Variants in ALDH3A1 observed in about 807,000 individuals in gnomAD.
The protein encoded by ALDH3A1 is aldehyde dehydrogenase 3 family member A1, also known as aldehyde dehydrogenase, dimeric NADP-preferring.
In ALDH3A1, 46 loss-of-function variants were observed where a neutral mutation model predicts 49.9. That is an observed-to-expected ratio of 0.92 (90% CI 0.73 to 1.18). ALDH3A1 has a LOEUF of 1.18. ALDH3A1 is among the 50% of genes most tolerant of loss of function. ALDH3A1 has a pLI of 0.00. For missense variants in ALDH3A1, 592 were observed against 611.8 expected, an observed-to-expected ratio of 0.97 and a Z score of 0.34; for synonymous variants, 269 against 253.3, an observed-to-expected ratio of 1.06 and a Z score of -0.59.
In ALDH3A1 at chr17:19,739,799, G is replaced by A. The variant is rs1597665456; in HGVS notation, c.950-125C>T. 10 of 1,248,916 alleles carry A rather than the reference G, an allele frequency of 8.0e-6. No homozygotes were observed. The East Asian group carries it at 2.3e-4, about 28-fold the overall frequency. The allele number at this position is 1,248,916 out of a possible 1,614,324, so 77.4% of individuals were successfully genotyped here. The stretch of plus-strand genomic sequence containing the variant: ...ACCTGCCCAGGCTTGGAAAAGGGCA[G>A]GGACGAGGCCTCAGAGAGGTACCCT... On this transcript the variant is annotated intron_variant, in intron 7 of 10. Coordinates refer to ENST00000225740, the MANE Select transcript of ALDH3A1 (RefSeq NM_000691.5).
chr17:19,743,079 G>T lies in ALDH3A1; in HGVS notation c.394+153C>A. The T allele has an allele frequency of 6.5e-7, 1 of 1,534,828 alleles. No individual in the cohort carries two copies. Among genetic ancestry groups the T allele is most frequent in the Non-Finnish European group, 8.7e-7 (1 of 1,146,534 alleles). On this transcript the variant is annotated intron_variant, in intron 3 of 10. Transcript: ENST00000225740. The surrounding 1 kb of genome is among the most constrained non-coding windows in gnomAD (Gnocchi z 4.4). ...TGGACCTCAGGCACCAAGAGGCCTG[G>T]CTAAACAGCTTGGTCCCCACAGCCT...
At chr17:19,744,073 A>C in intron 2 of ALDH3A1, 1 of 985,404 alleles carries the variant, frequency 1.0e-6, no homozygotes, top group Non-Finnish European at 1.2e-6. Flanking sequence ...TTTCTGGTTT[A>C]AGATGAGAAG....
intron 7 of ALDH3A1, 28 bp downstream of exon 7, chr17:19,740,306 GGT>G: frequency 6.2e-7 from 1 of 1,608,540 alleles, no homozygotes; most frequent in Non-Finnish European, 8.5e-7. Context: ...AGCCTGGGCA[GGT>G]GGGCTGTGCT....
intron 8 of ALDH3A1, among the ~76,000 whole-genome samples, 180 bp from the exon 9 acceptor site, chr17:19,739,275 A>G (rs949557191): frequency 6.6e-6 from 1 of 152,204 alleles, no homozygotes; most frequent in Non-Finnish European, 1.5e-5. Context: ...ACATGAGCAA[A>G]GAGTGACAGC....
At position 19,743,222 on chromosome 17, in the gene ALDH3A1, G is replaced by T; in HGVS notation, c.394+10C>A. The T allele has an allele frequency of 6.2e-7, 1 of 1,613,150 alleles. No homozygotes were observed. Among genetic ancestry groups the T allele is most frequent in the Non-Finnish European group, 8.5e-7 (1 of 1,179,756 alleles). ...GCTCCCCCAGCTTCCCTTCCCACAGGGCCATGCACCTGCAGCGATGGCGCC... is the reference window on the plus strand; with the variant it reads ...GCTCCCCCAGCTTCCCTTCCCACAGTGCCATGCACCTGCAGCGATGGCGCC... On this transcript the variant is annotated intron_variant, in intron 3 of 10. Coordinates refer to ENST00000225740, the MANE Select transcript of ALDH3A1 (RefSeq NM_000691.5). The surrounding 1 kb of genome is among the most constrained non-coding windows in gnomAD (Gnocchi z 4.4).
Position 19,746,684 on chromosome 17 carries a change from CGTGT to C in ALDH3A1, c.-5-1554_-5-1551del, listed in dbSNP as rs61194657. The stretch of plus-strand genomic sequence containing the variant: ...GTGTGTGTGCGTGTGTGTGCATGTG[CGTGT>C]GTGTGTGCGTGCGTGTGTGTGCATG... On this transcript the variant is annotated intron_variant, in intron 1 of 10. Transcript: ENST00000225740. 3.7e-3 allele frequency among the ~76,000 whole-genome samples: 507 copies of C among 137,384 alleles called. 3 individuals are homozygous for C. Among genetic ancestry groups the C allele is most frequent in the African/African-American group, 0.013 (471 of 36,178 alleles). The allele number at this position is 137,384 out of a possible 152,430, so 90.1% of individuals were successfully genotyped here.
At chr17:19,746,624 CGTGTGT>C (rs375726934) in intron 1 of ALDH3A1, among the ~76,000 whole-genome samples, 2 of 147,460 alleles carry the variant, frequency 1.4e-5, no homozygotes, top group South Asian at 2.1e-4. Context: ...TGTGTGTGTG[CGTGTGT>C]GTGTGTGCGT....
rs74780319 is a variant in ALDH3A1 at position 19,739,284 on chromosome 17, G to A, written c.1117-189C>T. On this transcript the variant is annotated intron_variant, in intron 8 of 10. Transcript: ENST00000225740. ...AGCACCACATGAGCAAAGAGTGACA[G>A]CAGCCGCCCCCATGCCTGTGTGCAG... Among the ~76,000 whole-genome samples the A allele has an allele frequency of 2.0e-5, 3 of 152,374 alleles. No homozygotes were observed. The East Asian group carries it at 5.8e-4, about 29-fold the overall frequency.
chr17:19,740,573 G>T, intron 6 of ALDH3A1, 96 bp from the exon 7 acceptor site: 1 of 1,422,586 alleles, frequency 7.0e-7, no homozygotes, highest in Non-Finnish European at 9.6e-7. Flanking sequence ...GTCTTTGGGT[G>T]GTGGGATTCT....
Position 19,741,993 on chromosome 17 carries a change from G to C in ALDH3A1, c.689+11C>G. ...AAGGACTGCTGCAGCCAGCAGGCCCGTGCCTCTCACCGGCAGGCCACGTCC... is the reference window on the plus strand; with the variant it reads ...AAGGACTGCTGCAGCCAGCAGGCCCCTGCCTCTCACCGGCAGGCCACGTCC... On this transcript the variant is annotated intron_variant, in intron 5 of 10. Transcript: ENST00000225740. The C allele has an allele frequency of 6.2e-7, 1 of 1,613,444 alleles. No homozygotes were observed.
At chr17:19,740,767 C>T (rs564599718) in intron 6 of ALDH3A1, among the ~76,000 whole-genome samples, 6 of 152,206 alleles carry the variant, frequency 3.9e-5, no homozygotes, top group South Asian at 4.2e-4. Flanking sequence ...GCTCCAGCCT[C>T]GCCGTAGCCT....
rs983472489 is a variant in ALDH3A1, at chr17:19,743,999, A to G, written c.163-536T>C. On this transcript the variant is annotated intron_variant, in intron 2 of 10. Coordinates refer to ENST00000225740, the MANE Select transcript of ALDH3A1 (RefSeq NM_000691.5). This position sits in a 1 kb window ranked among gnomAD's most constrained non-coding sequence, Gnocchi z 4.4. ...AGACGGCGGAAAACGCGTCTCTTTT[A>G]TAAACTTGGGCTGTGAAGAGCAACA... 9 of 985,256 alleles carry G rather than the reference A, an allele frequency of 9.1e-6. No individual in the cohort carries two copies. In the East Asian group the frequency reaches 9.1e-4, roughly 99 times the overall value. The allele number at this position is 985,256 out of a possible 1,614,324, so 61.0% of individuals were successfully genotyped here. A position where few individuals can be genotyped will look rare whatever the true frequency, so the allele number is the denominator to read the frequency against.
intron 9 of ALDH3A1, 146 bp from the exon 10 acceptor site, chr17:19,738,599 C>G: frequency 8.0e-7 from 1 of 1,246,754 alleles, no homozygotes; most frequent in Non-Finnish European, 1.1e-6. Context: ...CCCTCAAATC[C>G]TATGGCCCTC....
At chr17:19,739,767 C>G in intron 7 of ALDH3A1, 93 bp from the exon 8 acceptor site, 1 of 1,451,938 alleles carries the variant, frequency 6.9e-7, no homozygotes, top group Non-Finnish European at 9.3e-7. Flanking sequence ...AACCCTTTTC[C>G]AGGCAAACCT....
Position 19,744,988 on chromosome 17 carries a change from G to A in ALDH3A1, c.142C>T (p.Leu48=). Residue 48 remains leucine, a synonymous_variant, in exon 2 of 11, where the codon CTG becomes TTG. Coordinates refer to ENST00000225740, the MANE Select transcript of ALDH3A1 (RefSeq NM_000691.5). The part of the protein sequence containing the change: ...QEQEQELVGA[L]AADLHKNEWN... ...AGCACCTTGTGCAGGTCTGCGGCCA[G>A]CGCGCCCACCAGCTCCTGCTCCTGC... The A allele has an allele frequency of 6.8e-7, 1 of 1,472,096 alleles. No individual in the cohort carries two copies. Among genetic ancestry groups the A allele is most frequent in the Non-Finnish European group, 9.1e-7 (1 of 1,103,976 alleles). The allele number at this position is 1,472,096 out of a possible 1,614,324, so 91.2% of individuals were successfully genotyped here. A position where few individuals can be genotyped will look rare whatever the true frequency, so the allele number is the denominator to read the frequency against.
At chr17:19,740,249 A>AACTTGCTGGGG in intron 7 of ALDH3A1, 87 bp downstream of exon 7, 1 of 1,557,612 alleles carries the variant, frequency 6.4e-7, no homozygotes, top group Non-Finnish European at 8.7e-7. Context: ...GTGTCCGCTT[A>AACTTGCTGGGG]TCAAGCATCT....
Position 19,744,996 on chromosome 17 carries a change from A to T in ALDH3A1, c.134T>A (p.Val45Glu), listed in dbSNP as rs2086574308. The T allele has an allele frequency of 2.1e-6, 3 of 1,410,376 alleles. No homozygotes were observed. Among genetic ancestry groups the T allele is most frequent in the East Asian group, 3.3e-5 (1 of 30,366 alleles). The allele number at this position is 1,410,376 out of a possible 1,614,324, so 87.4% of individuals were successfully genotyped here. Reference sequence around the variant, plus strand: ...GTGCAGGTCTGCGGCCAGCGCGCCCACCAGCTCCTGCTCCTGCTCCTGGAT... The same window carrying T: ...GTGCAGGTCTGCGGCCAGCGCGCCCTCCAGCTCCTGCTCCTGCTCCTGGAT... ...RLIQEQEQELVGALAADLHKN... is the reference protein window; with the variant it reads ...RLIQEQEQELEGALAADLHKN... Residue 45 changes from valine (V) to glutamate (E), a missense_variant, in exon 2 of 11, where the codon GTG (valine) becomes GAG (glutamate). Physicochemically the swap from Val to Glu is moderately radical, Grantham distance 121. Transcript: ENST00000225740.
rs1349138691 is a variant in ALDH3A1 at position 19,743,926 on chromosome 17, G to GGGC, written c.163-466_163-464dup. The GGGC allele has an allele frequency of 4.1e-6, 4 of 985,180 alleles. No homozygotes were observed. The highest frequency in any genetic ancestry group is 4.8e-6 in the Non-Finnish European group (4 of 829,894). The allele number at this position is 985,180 out of a possible 1,614,324, so 61.0% of individuals were successfully genotyped here. ...GGGGGATGCAGGACCAAGGGCTGCT[G>GGGC]GGCGCTCAGGGCCTCCTGTGGGGAG... On this transcript the variant is annotated intron_variant, in intron 2 of 10. Coordinates refer to ENST00000225740, the MANE Select transcript of ALDH3A1 (RefSeq NM_000691.5). The surrounding 1 kb of genome is among the most constrained non-coding windows in gnomAD (Gnocchi z 4.4).
chr17:19,742,100 G>A lies in ALDH3A1; in HGVS notation c.593C>T (p.Thr198Met), dbSNP rs139173953. The A allele has an allele frequency of 8.1e-5, 131 of 1,614,004 alleles. No individual in the cohort carries two copies. The East Asian group carries it at 1.9e-3, about 24-fold the overall frequency. ...GSTGVGKIIM[T>M]AAAKHLTPVT... ...AGGGGTCAGGTGCTTGGCAGCAGCC[G>A]TCATGATGATCTTCCCCACCCCCGT... The change falls in exon 5 of 11, where the codon ACG (threonine) becomes ATG (methionine). Residue 198 changes from threonine to methionine, a missense_variant. Coordinates refer to ENST00000225740, the MANE Select transcript of ALDH3A1 (RefSeq NM_000691.5).
Sources: gnomAD v4.1 joint callset for allele counts (sites outside exome capture counted in the v4.1 genomes callset) on GRCh38, gnomAD v4.1.1 for gene constraint, Gnocchi (gnomAD v3.1) non-coding constraint, MANE v1.5 for transcripts, NCBI Gene and HGNC (gene_info 2026-07-23, HGNC 2026-07-21) for gene names.